The following CPNE4 variants were observed in gnomAD, a reference collection of about 807,000 sequenced individuals.
The protein encoded by CPNE4 is copine 4, also known as copine-4.
Under a neutral mutation model 67.9 loss-of-function variants are expected in CPNE4, and 25 were observed. That is an observed-to-expected ratio of 0.37 (90% CI 0.27 to 0.51). The LOEUF (loss-of-function observed/expected upper bound fraction) is 0.51. Ranked by LOEUF, CPNE4 falls within the 20% of genes least tolerant of loss-of-function variation. CPNE4 has a pLI of 0.93. For missense variants in CPNE4, 464 were observed against 690.8 expected, an observed-to-expected ratio of 0.67 and a Z score of 3.68; for synonymous variants, 242 against 244.9, an observed-to-expected ratio of 0.99 and a Z score of 0.11.
At chr3:131,806,871 G>A (rs2084336584) in intron 2 of CPNE4, among the ~76,000 whole-genome samples, 1 of 152,144 alleles carries the variant, frequency 6.6e-6, no homozygotes, top group South Asian at 2.1e-4. Context: ...TCCATTCTGA[G>A]AGACGGTTAA....
chr3:131,566,264 G>A (rs1289862565), intron 10 of CPNE4, among the ~76,000 whole-genome samples: 2 of 151,826 alleles, frequency 1.3e-5, no homozygotes, highest in African/African-American at 2.4e-5. Flanking sequence ...ACCAAAATGG[G>A]TGTAAAACTT....
chr3:131,864,252 G>A (rs1371275432), intron 2 of CPNE4, among the ~76,000 whole-genome samples: 4 of 151,466 alleles, frequency 2.6e-5, no homozygotes, highest in Non-Finnish European at 3.0e-5. Flanking sequence ...GAAAGTCATT[G>A]GTAGCTTGAT....
chr3:131,619,365 T>A (rs1007852724), intron 7 of CPNE4, among the ~76,000 whole-genome samples: 13 of 152,142 alleles, frequency 8.5e-5, no homozygotes, highest in African/African-American at 3.1e-4. Context: ...TTTCTGGTTG[T>A]CTTTCTGTGA....
intron 7 of CPNE4, among the ~76,000 whole-genome samples, chr3:131,666,239 A>G (rs1183701497): frequency 7.3e-6 from 1 of 136,078 alleles, no homozygotes; most frequent in African/African-American, 2.9e-5. Context: ...CTTTGGAACC[A>G]TGTAAACATT....
chr3:131,715,603 G>A (rs2081664817), intron 3 of CPNE4, among the ~76,000 whole-genome samples: 2 of 152,222 alleles, frequency 1.3e-5, no homozygotes, highest in African/African-American at 4.8e-5. Flanking sequence ...ATGTTGTGCT[G>A]ATTAAATGAA....
At chr3:131,637,778 G>C (rs2079431844) in intron 7 of CPNE4, among the ~76,000 whole-genome samples, 1 of 152,130 alleles carries the variant, frequency 6.6e-6, no homozygotes, top group African/African-American at 2.4e-5. Context: ...ATTAAGAACT[G>C]TGAGGCAAAA....
At chr3:132,018,419 T>G (rs2073930149) in intron 1 of CPNE4, among the ~76,000 whole-genome samples, 1 of 152,040 alleles carries the variant, frequency 6.6e-6, no homozygotes, top group South Asian at 2.1e-4. Flanking sequence ...TTGTCAGGGG[T>G]TTGCTAATCA....
At chr3:131,827,368 A>G (rs1373658587) in intron 2 of CPNE4, among the ~76,000 whole-genome samples, 2 of 151,180 alleles carry the variant, frequency 1.3e-5, no homozygotes, top group Non-Finnish European at 1.5e-5. Flanking sequence ...GTGGTAAACT[A>G]GGTAGACATG....
chr3:131,942,061 T>TA (rs965275639), intron 1 of CPNE4, among the ~76,000 whole-genome samples: 1 of 151,962 alleles, frequency 6.6e-6, no homozygotes, highest in Non-Finnish European at 1.5e-5. Context: ...AAACTATAGT[T>TA]AAAAAAATTG....
At chr3:131,765,714 T>C (rs10512824) in intron 2 of CPNE4, among the ~76,000 whole-genome samples, 8,668 of 151,960 alleles carry the variant, frequency 0.057, 419 homozygotes, top group African/African-American at 0.14. Flanking sequence ...AAAAATGAAT[T>C]TGAAAGACAG....
At chr3:131,967,626 G>A (rs1218934842) in intron 1 of CPNE4, among the ~76,000 whole-genome samples, 1 of 152,068 alleles carries the variant, frequency 6.6e-6, no homozygotes, top group Non-Finnish European at 1.5e-5. Flanking sequence ...ATTCACAATT[G>A]CTACAAATAA....
intron 2 of CPNE4, among the ~76,000 whole-genome samples, chr3:131,797,487 T>C (rs954548937): frequency 1.2e-4 from 18 of 152,166 alleles, no homozygotes; most frequent in African/African-American, 4.3e-4. Context: ...AAACTGCACT[T>C]ACATTGTATT....
intron 6 of CPNE4, among the ~76,000 whole-genome samples, chr3:131,680,152 C>G (rs2107671472): frequency 6.6e-6 from 1 of 151,982 alleles, no homozygotes; most frequent in Non-Finnish European, 1.5e-5. Flanking sequence ...GCTCTTCTTG[C>G]TGAATTAAAA....
intron 2 of CPNE4, among the ~76,000 whole-genome samples, chr3:131,900,957 G>A (rs2088530860): frequency 6.6e-6 from 1 of 152,058 alleles, no homozygotes; most frequent in Non-Finnish European, 1.5e-5. Flanking sequence ...CAATGATTGT[G>A]TATTAAAATT....
chr3:131,844,279 G>A (rs556338212), intron 2 of CPNE4, among the ~76,000 whole-genome samples: 29 of 139,286 alleles, frequency 2.1e-4, no homozygotes, highest in African/African-American at 6.8e-4. Context: ...TTTTTTTTCC[G>A]AGATGGAGTC....
At chr3:131,841,985 A>T (rs1387461130) in intron 2 of CPNE4, among the ~76,000 whole-genome samples, 1 of 152,192 alleles carries the variant, frequency 6.6e-6, no homozygotes, top group Non-Finnish European at 1.5e-5. Flanking sequence ...ACACGAGTTG[A>T]GACCTGCCCT....
rs142867181 is a variant in CPNE4, at chr3:132,015,492, T to C, written c.-2+19075A>G. ...CTTAGAAGGAAAAAGAGTCCTCTCT[T>C]CTAATTCCTTAGACATACACACTCA... On this transcript the variant is annotated intron_variant, in intron 1 of 15. Transcript: ENST00000429747. Among the ~76,000 whole-genome samples the C allele has an allele frequency of 2.6e-3, 387 of 146,800 alleles. 4 individuals are homozygous for C. Among genetic ancestry groups the C allele is most frequent in the African/African-American group, 9.3e-3 (364 of 39,188 alleles).
In CPNE4 at chr3:131,825,929, A is replaced by G. The variant is rs146426204; in HGVS notation, c.180+79335T>C. On this transcript the variant is annotated intron_variant, in intron 2 of 15. Coordinates refer to ENST00000429747, the MANE Select transcript of CPNE4 (RefSeq NM_130808.3). ...AATTTCCAAGCAGCGTTTATATTCTATATGCCCTTGGGTCTTTATAGGCCC... is the reference window on the plus strand; with the variant it reads ...AATTTCCAAGCAGCGTTTATATTCTGTATGCCCTTGGGTCTTTATAGGCCC... Among the ~76,000 whole-genome samples, 567 of 152,332 alleles carry G rather than the reference A, an allele frequency of 3.7e-3. 4 individuals are homozygous for G. The highest frequency in any genetic ancestry group is 0.013 in the African/African-American group (530 of 41,584).
intron 10 of CPNE4, among the ~76,000 whole-genome samples, chr3:131,570,183 T>C (rs1285565697): frequency 2.0e-5 from 3 of 152,040 alleles, no homozygotes; most frequent in Non-Finnish European, 4.4e-5. Flanking sequence ...CATTACCTTA[T>C]TGTTAGACAT....
Sources: gnomAD v4.1 joint callset for allele counts (sites outside exome capture counted in the v4.1 genomes callset) on GRCh38, gnomAD v4.1.1 for gene constraint, MANE v1.5 for transcripts, NCBI Gene and HGNC (gene_info 2026-07-23, HGNC 2026-07-21) for gene names.